The following GALNT2 variants were observed in gnomAD, a reference collection of about 807,000 sequenced individuals.
GALNT2 encodes UDP-GalNAc:polypeptide N-acetylgalactosaminyltransferase 2.
GALNT2 carries 31 observed loss-of-function variants against 81.4 expected under a neutral mutation model. That is an observed-to-expected ratio of 0.38 (90% confidence interval 0.29 to 0.51). The LOEUF (loss-of-function observed/expected upper bound fraction) is 0.51. Ranked by LOEUF, GALNT2 falls within the 20% of genes least tolerant of loss-of-function variation. The pLI is 0.87. For synonymous variants in GALNT2, 303 were observed against 287.4 expected, an observed-to-expected ratio of 1.05 and a Z score of -0.55; for missense variants, 629 against 765.7, an observed-to-expected ratio of 0.82 and a Z score of 2.11.
At chr1:230,213,473 G>A (rs2102715773) in intron 3 of GALNT2, among the ~76,000 whole-genome samples, 1 of 152,106 alleles carries the variant, frequency 6.6e-6, no homozygotes, top group South Asian at 2.1e-4. Context: ...GTTTTTGCAT[G>A]GTATACATTT....
chr1:230,205,483 T>C (rs149357747), intron 3 of GALNT2, among the ~76,000 whole-genome samples: 3 of 152,300 alleles, frequency 2.0e-5, no homozygotes, highest in African/African-American at 7.2e-5. Context: ...TTGTCTTTGA[T>C]TAATGTTTCC....
intron 2 of GALNT2, among the ~76,000 whole-genome samples, chr1:230,195,986 C>T (rs1280391478): frequency 6.6e-6 from 1 of 152,222 alleles, no homozygotes; most frequent in Non-Finnish European, 1.5e-5. Flanking sequence ...GGGTCGTCAG[C>T]CTCCTCACTT....
chr1:230,195,302 T>C (rs1663656096), intron 2 of GALNT2, among the ~76,000 whole-genome samples: 1 of 151,486 alleles, frequency 6.6e-6, no homozygotes, highest in African/African-American at 2.4e-5. Flanking sequence ...AAACTTGAGC[T>C]CTAGCCTTGG....
intron 2 of GALNT2, among the ~76,000 whole-genome samples, chr1:230,197,172 A>G (rs1663721755): frequency 6.6e-6 from 1 of 152,006 alleles, no homozygotes; most frequent in Non-Finnish European, 1.5e-5. Context: ...AGAGAATGAC[A>G]TTGAGTTGTT....
At chr1:230,112,992 G>A (rs7550262) in intron 1 of GALNT2, among the ~76,000 whole-genome samples, 32,298 of 152,134 alleles carry the variant, frequency 0.21, 3,469 homozygotes, top group East Asian at 0.37. Context: ...CAGTGACCTC[G>A]TAACTGTGGC....
At chr1:230,114,873 A>AGAGT (rs1660799985) in intron 1 of GALNT2, among the ~76,000 whole-genome samples, 1 of 152,130 alleles carries the variant, frequency 6.6e-6, no homozygotes, top group African/African-American at 2.4e-5. Flanking sequence ...GAAGGTACAG[A>AGAGT]GAGTGCCTGT....
At chr1:230,265,905 A>G (rs1008468363) in intron 14 of GALNT2, among the ~76,000 whole-genome samples, 5 of 152,260 alleles carry the variant, frequency 3.3e-5, no homozygotes, top group Non-Finnish European at 5.9e-5. Flanking sequence ...ATAAAAATGC[A>G]CAACCGCCAG....
At chr1:230,186,246 A>C (rs1663331993) in intron 2 of GALNT2, among the ~76,000 whole-genome samples, 1 of 152,144 alleles carries the variant, frequency 6.6e-6, no homozygotes, top group South Asian at 2.1e-4. Context: ...CACCCCAGGG[A>C]GTCCAAGCCC....
At chr1:230,241,149 G>A (rs1204286901) in intron 6 of GALNT2, among the ~76,000 whole-genome samples, 1 of 152,142 alleles carries the variant, frequency 6.6e-6, no homozygotes, top group Non-Finnish European at 1.5e-5. Context: ...TATAATAGCT[G>A]CTTTTAAATC....
At chr1:230,089,178 G>A (rs1330020605) in intron 1 of GALNT2, among the ~76,000 whole-genome samples, 4 of 146,952 alleles carry the variant, frequency 2.7e-5, no homozygotes, top group Non-Finnish European at 6.0e-5. Context: ...AGATGGAGTC[G>A]CTCTGTGGCC....
intron 1 of GALNT2, among the ~76,000 whole-genome samples, chr1:230,120,110 A>G (rs1660968062): frequency 1.6e-5 from 2 of 126,474 alleles, no homozygotes; most frequent in African/African-American, 6.1e-5. Flanking sequence ...AGCATCTCCA[A>G]GCGTCTGCCA....
chr1:230,108,754 T>C (rs777758796), intron 1 of GALNT2, among the ~76,000 whole-genome samples: 1 of 152,330 alleles, frequency 6.6e-6, no homozygotes, highest in African/African-American at 2.4e-5. Context: ...CACCGCACAC[T>C]GTAGGGTATC....
intron 1 of GALNT2, among the ~76,000 whole-genome samples, chr1:230,162,181 C>T (rs1177994784): frequency 3.3e-5 from 5 of 152,166 alleles, no homozygotes; most frequent in Admixed American, 3.3e-4. Flanking sequence ...TTTTCACAAG[C>T]ACTGAAGACT....
At chr1:230,135,417 C>T (rs954984592) in intron 1 of GALNT2, among the ~76,000 whole-genome samples, 1 of 152,110 alleles carries the variant, frequency 6.6e-6, no homozygotes, top group Non-Finnish European at 1.5e-5. Context: ...CATCTCATTT[C>T]CGTTGTGCTA....
chr1:230,057,985 T>A (rs1658954139), upstream of GALNT2: 1 of 455,936 alleles, frequency 2.2e-6, no homozygotes, highest in South Asian at 1.5e-5. Context: ...AGGGCTCTGA[T>A]ACAAGAGTGT....
At position 230,275,184 on chromosome 1, in the gene GALNT2, CAT is replaced by C. The variant is rs545695539; in HGVS notation, c.1560+626_1560+627del. Among the ~76,000 whole-genome samples, 1 of 151,136 alleles carries C rather than the reference CAT, an allele frequency of 6.6e-6. No homozygotes were observed. Among genetic ancestry groups the C allele is most frequent in the African/African-American group, 2.4e-5 (1 of 41,060 alleles). ...TATACATATACCTGCCACATATATA[CAT>C]ATATAAACACCACATATATATACAT... On this transcript the variant is annotated intron_variant, in intron 15 of 15. Transcript: ENST00000366672. The surrounding 1 kb of genome is among the most constrained non-coding windows in gnomAD (Gnocchi z 5.5).
rs903073167 is a variant in GALNT2 at position 230,227,517 on chromosome 1, A to G, written c.375-8497A>G. Among the ~76,000 whole-genome samples, 6 of 149,452 alleles carry G rather than the reference A, an allele frequency of 4.0e-5. No individual in the cohort carries two copies. In the Admixed American group the frequency reaches 4.0e-4, roughly 10 times the overall value. On this transcript the variant is annotated intron_variant, in intron 3 of 15. Coordinates refer to ENST00000366672, the MANE Select transcript of GALNT2 (RefSeq NM_004481.5). The stretch of plus-strand genomic sequence containing the variant: ...TATATGCTATATAATACAGCTATAT[A>G]TGCTATATAATACAGCTATATATAT...
At chr1:230,133,861 C>A (rs1661448539) in intron 1 of GALNT2, among the ~76,000 whole-genome samples, 1 of 152,156 alleles carries the variant, frequency 6.6e-6, no homozygotes. Flanking sequence ...ATAAATATTA[C>A]AAATTGCAAC....
chr1:230,227,977 A>G (rs371151939), intron 3 of GALNT2, among the ~76,000 whole-genome samples: 50 of 152,334 alleles, frequency 3.3e-4, no homozygotes, highest in African/African-American at 1.2e-3. Flanking sequence ...GAACCTGCAA[A>G]CTGACTATCA....
Sources: gnomAD v4.1 joint callset for allele counts (sites outside exome capture counted in the v4.1 genomes callset) on GRCh38, gnomAD v4.1.1 for gene constraint, Gnocchi (gnomAD v3.1) non-coding constraint, MANE v1.5 for transcripts, NCBI Gene and HGNC (gene_info 2026-07-23, HGNC 2026-07-21) for gene names.